The following CYP11B1 variants were observed in gnomAD, a reference collection of about 807,000 sequenced individuals.
CYP11B1 encodes cytochrome P450 11B1, mitochondrial.
In CYP11B1, 34 loss-of-function variants were observed where a neutral mutation model predicts 48.3. That is an observed-to-expected ratio of 0.70 (90% CI 0.54 to 0.94). The LOEUF is 0.94. Ranked by LOEUF, CYP11B1 falls within the 40% of genes least tolerant of loss-of-function variation. The pLI, the probability that CYP11B1 is intolerant of heterozygous loss-of-function variation, is 0.00. For missense variants in CYP11B1, 688 were observed against 657.4 expected (o/e 1.05, Z -0.51); for synonymous variants, 291 against 262.5 (o/e 1.11, Z -1.05).
intron 2 of CYP11B1, among the ~76,000 whole-genome samples, chr8:142,878,434 GACCAGGCGCC>G (rs1817032627): frequency 6.6e-6 from 1 of 152,010 alleles, no homozygotes; most frequent in Admixed American, 6.5e-5. Flanking sequence ...CTGCCCACCT[GACCAGGCGCC>G]ACCCTCTGCA....
At position 142,876,751 on chromosome 8, in the gene CYP11B1, G is replaced by A. The variant is rs1056841913; in HGVS notation, c.730C>T (p.Leu244=). The change falls in exon 4 of 9, where the codon CTG becomes TTG. Residue 244 remains leucine (L), a synonymous_variant. Transcript: ENST00000292427. ...TVQLMFMPRS[L]SRWTSPKVWK... ...ACCTTGGGGCTGGTCCAGCGAGACA[G>A]GCTCCTGGGCATGAACATGAGCTGG... is the stretch of plus-strand genomic sequence containing the variant. The A allele has an allele frequency of 1.2e-6, 2 of 1,613,958 alleles. No homozygotes were observed. The highest frequency in any genetic ancestry group is 1.7e-6 in the Non-Finnish European group (2 of 1,180,008).
At chr8:142,876,948 C>G (rs1816974973) in intron 3 of CYP11B1, 63 bp from the exon 4 acceptor site, 16 of 1,612,880 alleles carry the variant, frequency 9.9e-6, no homozygotes, top group Non-Finnish European at 1.4e-5. Flanking sequence ...CCTCCCCACA[C>G]TCCCTTCAGT....
In CYP11B1 at chr8:142,877,693, C is replaced by A; in HGVS notation, c.396-471G>T. 9 of 1,532,048 alleles carry A rather than the reference C, an allele frequency of 5.9e-6. No homozygotes were observed. The South Asian group carries it at 7.9e-5, about 13-fold the overall frequency. 94.9% of individuals were successfully genotyped at this position (1,532,048 alleles called of 1,614,324 possible). On this transcript the variant is annotated intron_variant, in intron 2 of 8. Coordinates refer to ENST00000292427, the MANE Select transcript of CYP11B1 (RefSeq NM_000497.4). ...GCACAGTGCCTCTGGGGCAGCAGCC[C>A]CAGTGAAGTGTCTGCATCTTCTGCA...
chr8:142,878,307 C>T (rs978114713), intron 2 of CYP11B1, among the ~76,000 whole-genome samples: 7 of 152,180 alleles, frequency 4.6e-5, no homozygotes, highest in Non-Finnish European at 8.8e-5. Context: ...TTCCCAAAAG[C>T]GTTCTCCTCC....
At position 142,877,080 on chromosome 8, in the gene CYP11B1, C is replaced by G. The variant is rs140123041; in HGVS notation, c.538G>C (p.Ala180Pro). Residue 180 changes from alanine to proline, a missense_variant, in exon 3 of 9, where the codon GCC becomes CCC. Physicochemically the swap from Ala to Pro is conservative, Grantham distance 27. Transcript: ENST00000292427. Reference sequence around the variant, plus strand: ...ACGTCCAGGGTCAGGCTCCCCCGGGCGTTCTGCAGCACCTTCTTCTTCAGG... The same window carrying G: ...ACGTCCAGGGTCAGGCTCCCCCGGGGGTTCTGCAGCACCTTCTTCTTCAGG... ...QALKKKVLQN[A>P]RGSLTLDVQP... 3.1e-6 allele frequency: 5 copies of G among 1,613,860 alleles called. No homozygotes were observed. In the Admixed American group the frequency reaches 5.0e-5, roughly 16 times the overall value.
rs2130263146 is a variant in CYP11B1, at chr8:142,874,060, C to T, written c.*313G>A. On this transcript the variant is annotated 3_prime_UTR_variant, in exon 9 of 9. Transcript: ENST00000292427. ...ACAAAACCACAGCACCCTTGTATGGCCACACGAGGAGCCTGGAGCCAGCAC... is the reference window on the plus strand; with the variant it reads ...ACAAAACCACAGCACCCTTGTATGGTCACACGAGGAGCCTGGAGCCAGCAC... 8.8e-6 allele frequency: 4 copies of T among 453,252 alleles called. No homozygotes were observed. Among genetic ancestry groups the T allele is most frequent in the South Asian group, 8.6e-5 (4 of 46,486 alleles). The allele number at this position is 453,252 out of a possible 1,614,324, so 28.1% of individuals were successfully genotyped here.
At position 142,877,789 on chromosome 8, in the gene CYP11B1, G is replaced by T. The variant is rs547491853; in HGVS notation, c.396-567C>A. ...CAGAGTGCGTGGGGGCTCCATGGAT[G>T]CCCCCAGGGAATGGTGGGGAGGAAT... On this transcript the variant is annotated intron_variant, in intron 2 of 8. Coordinates refer to ENST00000292427, the MANE Select transcript of CYP11B1 (RefSeq NM_000497.4). 7.5e-6 allele frequency: 12 copies of T among 1,596,622 alleles called. No homozygotes were observed. The Admixed American group carries it at 1.5e-4, about 20-fold the overall frequency.
chr8:142,876,387 A>G lies in CYP11B1; in HGVS notation c.808T>C (p.Cys270Arg), dbSNP rs1281734280. 1 of 1,613,896 alleles carries G rather than the reference A, an allele frequency of 6.2e-7. No individual in the cohort carries two copies. The highest frequency in any genetic ancestry group is 8.5e-7 in the Non-Finnish European group (1 of 1,179,862). ...WDCIFQYGDN[C>R]IQKIYQELAF... ...AGTTCCTGATAGATTTTCTGGATAC[A>G]GTTGTCGCCTATCCGGGGAGCGGGA... is the stretch of plus-strand genomic sequence containing the variant. The change falls in exon 5 of 9, where the codon TGT becomes CGT. Residue 270 changes from cysteine (C) to arginine (R), a missense_variant. Coordinates refer to ENST00000292427, the MANE Select transcript of CYP11B1 (RefSeq NM_000497.4).
chr8:142,879,042 C>A lies in CYP11B1; in HGVS notation c.385G>T (p.Val129Leu), dbSNP rs377423817. The change falls in exon 2 of 9, where the codon GTG becomes TTG. Residue 129 changes from valine (V) to leucine (L), a missense_variant. Coordinates refer to ENST00000292427, the MANE Select transcript of CYP11B1 (RefSeq NM_000497.4). The stretch of plus-strand genomic sequence containing the variant: ...CAGCTCGCCGCTTACAGCAAGAACA[C>A]GCCACATTTGTGCCCACGATGTTGT... The part of the protein sequence containing the change: ...YRQHRGHKCG[V>L]FLLNGPEWRF... 5.0e-6 allele frequency: 8 copies of A among 1,614,058 alleles called. No individual in the cohort carries two copies. The highest frequency in any genetic ancestry group is 1.1e-5 in the South Asian group (1 of 91,086).
intron 2 of CYP11B1, chr8:142,877,664 C>T (rs1817004497): frequency 1.4e-6 from 2 of 1,381,996 alleles, no homozygotes; most frequent in Non-Finnish European, 2.0e-6. Flanking sequence ...CTTCCCTGCC[C>T]TGGGCACAGT....
intron 6 of CYP11B1, 55 bp downstream of exon 6, chr8:142,875,657 G>T: frequency 6.3e-7 from 1 of 1,593,128 alleles, no homozygotes; most frequent in Admixed American, 1.7e-5. Context: ...CACCCAGTGG[G>T]GGCTGCTCTC....
intron 5 of CYP11B1, 24 bp downstream of exon 5, chr8:142,876,217 G>C (rs773739528): frequency 6.2e-7 from 1 of 1,614,054 alleles, no homozygotes; most frequent in Non-Finnish European, 8.5e-7. Flanking sequence ...ACCCTCTCTG[G>C]GTGGGGCTGG....
intron 2 of CYP11B1, among the ~76,000 whole-genome samples, chr8:142,878,446 C>G (rs1447270526): frequency 6.6e-6 from 1 of 152,182 alleles, no homozygotes; most frequent in Non-Finnish European, 1.5e-5. Context: ...CCAGGCGCCA[C>G]CCTCTGCACG....
rs1322560606 is a variant in CYP11B1, at chr8:142,877,015, G to T, written c.595+8C>A. 10 of 1,613,384 alleles carry T rather than the reference G, an allele frequency of 6.2e-6. No individual in the cohort carries two copies. In the South Asian group the frequency reaches 8.8e-5, roughly 14 times the overall value. ...CTCTGAGGCTGGATCTTCCCACGTG[G>T]CCCACACCTTCTATGGTGTAGTGGA... On this transcript the variant is annotated splice_region_variant and intron_variant, in intron 3 of 8. Transcript: ENST00000292427.
rs370724349 is a variant in CYP11B1, at chr8:142,879,198, A to G, written c.240-11T>C. 1.9e-6 allele frequency: 3 copies of G among 1,613,908 alleles called. No homozygotes were observed. The African/African-American group carries it at 4.0e-5, about 22-fold the overall frequency. On this transcript the variant is annotated splice_polypyrimidine_tract_variant and intron_variant, in intron 1 of 8. Transcript: ENST00000292427. ...CCTCCCAAGTCGTACCTGTGGGGCC[A>G]AGCACGAGGCCGTGCTGGATGGGAC...
chr8:142,876,322 C>T lies in CYP11B1; in HGVS notation c.873G>A (p.Ala291=), dbSNP rs34570566. Residue 291 remains alanine, a synonymous_variant, in exon 5 of 9, where the codon GCG becomes GCA. Coordinates refer to ENST00000292427, the MANE Select transcript of CYP11B1 (RefSeq NM_000497.4). ...SRPQQYTSIV[A]ELLLNAELSP... ...ACAGTTCCGCATTCAACAGGAGCTC[C>T]GCCACGATGCTGGTGTACTGTTGAG... The T allele has an allele frequency of 0.041, 66,617 of 1,612,086 alleles. 3,002 individuals carry two copies. Among genetic ancestry groups the T allele is most frequent in the African/African-American group, 0.22 (16,358 of 73,260 alleles).
Position 142,879,825 on chromosome 8 carries a change from C to T in CYP11B1, c.-12G>A, listed in dbSNP as rs1427154098. The T allele has an allele frequency of 2.5e-6, 4 of 1,611,992 alleles. No homozygotes were observed. The South Asian group carries it at 3.3e-5, about 13-fold the overall frequency. On this transcript the variant is annotated 5_prime_UTR_variant, in exon 1 of 9. Coordinates refer to ENST00000292427, the MANE Select transcript of CYP11B1 (RefSeq NM_000497.4). ...GCCCTGAGTGCCATTCCAATGCTCC[C>T]TCCACCCTGTTCAGCTGCAATCCTT...
chr8:142,877,339 C>T (rs1816993074), intron 2 of CYP11B1, 117 bp from the exon 3 acceptor site: 2 of 993,520 alleles, frequency 2.0e-6, no homozygotes, highest in Admixed American at 4.0e-5. Context: ...ACTGGGGGCC[C>T]TGGTAGAAGC....
chr8:142,872,606 C>T lies in CYP11B1; in HGVS notation c.*1767G>A, dbSNP rs979010990. The T allele has an allele frequency of 2.6e-5, 4 of 152,196 alleles. No homozygotes were observed. Among genetic ancestry groups the T allele is most frequent in the Non-Finnish European group, 5.9e-5 (4 of 68,038 alleles). 9.4% of individuals were successfully genotyped at this position (152,196 alleles called of 1,614,324 possible). On this transcript the variant is annotated 3_prime_UTR_variant, in exon 9 of 9. Coordinates refer to ENST00000292427, the MANE Select transcript of CYP11B1 (RefSeq NM_000497.4). ...TTTGACTCAGATAACATTTAAATCA[C>T]ACTTTGGACTACAATTTTAAAGTTG... is the stretch of plus-strand genomic sequence containing the variant.
Sources: allele counts gnomAD v4.1 joint callset (sites outside exome capture counted in the v4.1 genomes callset), GRCh38; gene constraint gnomAD v4.1.1; transcripts MANE v1.5; gene names NCBI Gene and HGNC (gene_info 2026-07-23, HGNC 2026-07-21).